Variants in PLAGL1 observed in about 807,000 individuals in gnomAD.
The protein encoded by PLAGL1 is PLAG1 like zinc finger 1.
PLAGL1 carries 1 observed loss-of-function variant against 4.6 expected under a neutral mutation model. The observed-to-expected ratio is 0.22, with a 90% CI of 0.08 to 1.03. PLAGL1 has a LOEUF of 1.03. PLAGL1 is among the 50% of genes least tolerant of loss of function. The probability of loss-of-function intolerance (pLI) is 0.58; values close to 1 mark genes in which losing one functional copy is unlikely to be tolerated. For synonymous variants in PLAGL1, 240 were observed against 237.8 expected (o/e 1.01, Z -0.08); for missense variants, 464 against 570.4 (o/e 0.81, Z 1.90).
chr6:144,045,614 C>T (rs1798083023), intron 1 of PLAGL1, among the ~76,000 whole-genome samples: 1 of 152,160 alleles, frequency 6.6e-6, no homozygotes, highest in South Asian at 2.1e-4. Flanking sequence ...TCTGGCTGCC[C>T]TTAACATTTT....
chr6:144,022,836 A>G lies in PLAGL1; in HGVS notation c.-151+41632T>C, dbSNP rs993967218. Among the ~76,000 whole-genome samples, 1 of 152,214 alleles carries G rather than the reference A, an allele frequency of 6.6e-6. No individual in the cohort carries two copies. Among genetic ancestry groups the G allele is most frequent in the Non-Finnish European group, 1.5e-5 (1 of 68,044 alleles). ...AGGTATGTCTTTATTGCAGCATGAG[A>G]ACAGACTAATACACACAGACTTCCC... On this transcript the variant is annotated intron_variant, in intron 1 of 3. Transcript: ENST00000437412. This position sits in a 1 kb window ranked among gnomAD's most constrained non-coding sequence, Gnocchi z 4.2.
chr6:143,980,309 T>C (rs924181755), intron 2 of PLAGL1, among the ~76,000 whole-genome samples: 1 of 152,108 alleles, frequency 6.6e-6, no homozygotes, highest in Admixed American at 6.6e-5. Flanking sequence ...TCTCCCTCCT[T>C]TGGGGACTCC....
At chr6:143,987,437 CTTTTTTTTT>C (rs71024883) in intron 1 of PLAGL1, among the ~76,000 whole-genome samples, 3 of 73,954 alleles carry the variant, frequency 4.1e-5, no homozygotes, top group South Asian at 6.8e-4. Flanking sequence ...ACCACACTGG[CTTTTTTTTT>C]TTTTTTTTTT....
chr6:144,017,719 A>G (rs768817806), intron 1 of PLAGL1, among the ~76,000 whole-genome samples: 15 of 152,244 alleles, frequency 9.9e-5, no homozygotes, highest in Non-Finnish European at 1.8e-4. Flanking sequence ...CCTCCTCTCC[A>G]TTTAAACAGT....
At chr6:144,017,187 G>A (rs1440554174) in intron 1 of PLAGL1, among the ~76,000 whole-genome samples, 1 of 152,102 alleles carries the variant, frequency 6.6e-6, no homozygotes, top group Middle Eastern at 3.2e-3. Flanking sequence ...TTAAAAACCT[G>A]TATACATATG....
At chr6:143,986,540 C>A (rs910998430) in intron 1 of PLAGL1, among the ~76,000 whole-genome samples, 2 of 152,092 alleles carry the variant, frequency 1.3e-5, no homozygotes, top group Non-Finnish European at 2.9e-5. Context: ...GATGGGAGAA[C>A]TGAAATTTTT....
At position 144,061,084 on chromosome 6, in the gene PLAGL1, T is replaced by C. The variant is rs906208285; in HGVS notation, c.-151+3384A>G. ...ATGTAATTTTCAAAGAAATTTACAA[T>C]TGGAAGTGGAAAGGTACTGGGTGAC... On this transcript the variant is annotated intron_variant, in intron 1 of 3. Coordinates refer to the PLAGL1 transcript ENST00000437412. The surrounding 1 kb of genome is among the most constrained non-coding windows in gnomAD (Gnocchi z 4.4). Among the ~76,000 whole-genome samples, 2 of 152,216 alleles carry C rather than the reference T, an allele frequency of 1.3e-5. No homozygotes were observed. The highest frequency in any genetic ancestry group is 6.5e-5 in the Admixed American group (1 of 15,286).
chr6:143,943,575 T>G (rs964723662), intron 7 of PLAGL1, among the ~76,000 whole-genome samples: 1 of 152,154 alleles, frequency 6.6e-6, no homozygotes, highest in African/African-American at 2.4e-5. Flanking sequence ...GACTATCAGC[T>G]CTTATCTCTG....
intron 1 of PLAGL1, among the ~76,000 whole-genome samples, chr6:143,991,643 A>C (rs1368535378): frequency 6.6e-6 from 1 of 152,066 alleles, no homozygotes; most frequent in Non-Finnish European, 1.5e-5. Context: ...CATTTCCTTT[A>C]TCATGAGGAG....
chr6:143,949,415 C>G lies in PLAGL1; in HGVS notation c.-324-955G>C, dbSNP rs1035030923. On this transcript the variant is annotated intron_variant, in intron 6 of 7. Transcript: ENST00000674357. The surrounding 1 kb of genome is among the most constrained non-coding windows in gnomAD (Gnocchi z 5.3). ...TCCACTTACTAGGGTGGCTTTCCAC[C>G]CAAGCTGAGAAACTGTGTTCCAAAA... is the stretch of plus-strand genomic sequence containing the variant. 1.3e-5 allele frequency among the ~76,000 whole-genome samples: 2 copies of G among 152,158 alleles called. No homozygotes were observed. The highest frequency in any genetic ancestry group is 1.3e-4 in the Admixed American group (2 of 15,278).
At chr6:143,944,384 AATC>A (rs1248414587) in intron 7 of PLAGL1, among the ~76,000 whole-genome samples, 4 of 152,076 alleles carry the variant, frequency 2.6e-5, no homozygotes, top group African/African-American at 4.8e-5. Context: ...ATATAAAGCT[AATC>A]TGAATCGAAC....
rs1468297380 is a variant in PLAGL1 at position 143,975,727 on chromosome 6, A to G, written c.-543-6749T>C. Among the ~76,000 whole-genome samples the G allele has an allele frequency of 6.6e-6, 1 of 152,218 alleles. No homozygotes were observed. The highest frequency in any genetic ancestry group is 1.5e-5 in the Non-Finnish European group (1 of 68,028). ...AAAGAGAAAGAAGCTACTTTACAAA[A>G]CAGAAACACTAATTGAAGTGTCGTT... On this transcript the variant is annotated intron_variant, in intron 2 of 7. Transcript: ENST00000674357. This position sits in a 1 kb window ranked among gnomAD's most constrained non-coding sequence, Gnocchi z 5.8.
rs552049212 is a variant in PLAGL1 at position 143,970,457 on chromosome 6, T to C, written c.-543-1479A>G. 6.6e-6 allele frequency among the ~76,000 whole-genome samples: 1 copy of C among 152,362 alleles called. No homozygotes were observed. The highest frequency in any genetic ancestry group is 2.4e-5 in the African/African-American group (1 of 41,596). The stretch of plus-strand genomic sequence containing the variant: ...TGATCTTTATAATAGTCATATCTGA[T>C]CTTATACAACTGACACATTATTTAA... On this transcript the variant is annotated intron_variant, in intron 2 of 7. Coordinates refer to ENST00000674357, the MANE Select transcript of PLAGL1 (RefSeq NM_001317162.2). The surrounding 1 kb of genome is among the most constrained non-coding windows in gnomAD (Gnocchi z 5.8).
chr6:144,012,420 T>C (rs55769736), upstream of PLAGL1, among the ~76,000 whole-genome samples: 36,635 of 151,616 alleles, frequency 0.24, 4,627 homozygotes, highest in Admixed American at 0.35. The surrounding 1 kb of genome is among the most constrained non-coding windows in gnomAD (Gnocchi z 4.8). Flanking sequence ...GGGTGCTGGG[T>C]TGGGGGGAAG....
intron 2 of PLAGL1, among the ~76,000 whole-genome samples, chr6:143,981,585 G>A (rs1411456428): frequency 6.6e-6 from 1 of 152,020 alleles, no homozygotes; most frequent in Non-Finnish European, 1.5e-5. Flanking sequence ...CCTTCTCTCA[G>A]GGTTCACTGT....
rs539999694 is a variant in PLAGL1, at chr6:143,948,128, C to T, written c.9G>A (p.Thr3=). 91 of 1,613,452 alleles carry T rather than the reference C, an allele frequency of 5.6e-5. 1 individual carries two copies. In the Middle Eastern group the frequency reaches 7.0e-4, roughly 12 times the overall value. MA[T]FPCQLCGKTF... ...TCTTGCCACATAACTGGCAGGGGAA[C>T]GTGGCCATGGGCTTTGCTTCTCACA... The change falls in exon 7 of 8, where the codon ACG becomes ACA. Residue 3 remains threonine (T), a synonymous_variant. Coordinates refer to ENST00000674357, the MANE Select transcript of PLAGL1 (RefSeq NM_001317162.2). The surrounding 1 kb of genome is among the most constrained non-coding windows in gnomAD (Gnocchi z 6.0).
chr6:143,987,084 G>T (rs1190927025), intron 1 of PLAGL1, among the ~76,000 whole-genome samples: 1 of 152,110 alleles, frequency 6.6e-6, no homozygotes, highest in Non-Finnish European at 1.5e-5. Flanking sequence ...AACATTTTCA[G>T]TTAAAAGGTA....
At chr6:144,041,663 C>T (rs1203847582) in intron 1 of PLAGL1, among the ~76,000 whole-genome samples, 1 of 152,092 alleles carries the variant, frequency 6.6e-6, no homozygotes, top group Non-Finnish European at 1.5e-5. Flanking sequence ...CATGTGTCTT[C>T]ATAGTAGCAT....
chr6:144,032,245 T>C (rs965064084), intron 1 of PLAGL1, among the ~76,000 whole-genome samples: 9 of 150,126 alleles, frequency 6.0e-5, no homozygotes, highest in Non-Finnish European at 1.0e-4. Flanking sequence ...CCCAGCCTCC[T>C]GAGTAGCTGA....
Sources: gnomAD v4.1 joint callset for allele counts (sites outside exome capture counted in the v4.1 genomes callset) on GRCh38, gnomAD v4.1.1 for gene constraint, Gnocchi (gnomAD v3.1) non-coding constraint, MANE v1.5 for transcripts, NCBI Gene and HGNC (gene_info 2026-07-23, HGNC 2026-07-21) for gene names.